Variants in NR5A2 observed in about 807,000 individuals in gnomAD.
NR5A2 encodes nuclear receptor subfamily 5 group A member 2, also known as CYP7A promoter-binding factor.
Under a neutral mutation model 62.7 loss-of-function variants are expected in NR5A2, and 26 were observed. The observed-to-expected ratio is 0.41, with a 90% CI of 0.30 to 0.58. The LOEUF (loss-of-function observed/expected upper bound fraction) is 0.58. NR5A2 is among the 20% of genes least tolerant of loss of function. NR5A2 has a pLI of 0.22. For missense variants in NR5A2, 541 were observed against 669.1 expected, an observed-to-expected ratio of 0.81 and a Z score of 2.11; for synonymous variants, 246 against 241.7, an observed-to-expected ratio of 1.02 and a Z score of -0.16.
intron 4 of NR5A2, among the ~76,000 whole-genome samples, chr1:200,046,753 T>C (rs1662384459): frequency 6.6e-6 from 1 of 152,244 alleles, no homozygotes; most frequent in Non-Finnish European, 1.5e-5. Flanking sequence ...AGATGCTTAC[T>C]ACATACAGTA....
chr1:200,121,645 A>G (rs1666486441), intron 7 of NR5A2, among the ~76,000 whole-genome samples: 1 of 152,222 alleles, frequency 6.6e-6, no homozygotes, highest in Non-Finnish European at 1.5e-5. Context: ...AAAGGAACAG[A>G]TTTTCCTGTC....
At chr1:200,032,221 C>T (rs1431197894) in intron 1 of NR5A2, among the ~76,000 whole-genome samples, 1 of 152,178 alleles carries the variant, frequency 6.6e-6, no homozygotes, top group Non-Finnish European at 1.5e-5. Flanking sequence ...CAGTTGGCTT[C>T]AAGGAACTTC....
intron 5 of NR5A2, among the ~76,000 whole-genome samples, chr1:200,073,334 A>G (rs1158865723): frequency 7.1e-6 from 1 of 141,154 alleles, no homozygotes; most frequent in Non-Finnish European, 1.5e-5. Flanking sequence ...ATATATATAT[A>G]TATATTCCCC....
chr1:200,064,707 G>A (rs1663391054), intron 5 of NR5A2, among the ~76,000 whole-genome samples: 1 of 152,190 alleles, frequency 6.6e-6, no homozygotes, highest in Admixed American at 6.5e-5. Flanking sequence ...CCTGGTATAG[G>A]ATTTTCCTTA....
At chr1:200,145,205 G>A (rs935622961) in intron 7 of NR5A2, among the ~76,000 whole-genome samples, 1 of 152,162 alleles carries the variant, frequency 6.6e-6, no homozygotes, top group Non-Finnish European at 1.5e-5. Context: ...AGCTACTCAG[G>A]AGGCTGAGGC....
chr1:200,168,911 G>A (rs1467689466), intron 7 of NR5A2, among the ~76,000 whole-genome samples: 1 of 152,158 alleles, frequency 6.6e-6, no homozygotes, highest in Non-Finnish European at 1.5e-5. Flanking sequence ...TTTTCTAGAG[G>A]AAAGGGCCTT....
chr1:200,103,380 A>C (rs1402884418), intron 5 of NR5A2, among the ~76,000 whole-genome samples: 5 of 152,110 alleles, frequency 3.3e-5, no homozygotes, highest in Admixed American at 2.0e-4. Context: ...TTGGCCTCCC[A>C]AAGTGCTGTA....
intron 5 of NR5A2, among the ~76,000 whole-genome samples, chr1:200,049,751 TG>T (rs1158914443): frequency 6.6e-6 from 1 of 152,178 alleles, no homozygotes; most frequent in Non-Finnish European, 1.5e-5. Context: ...TAAATATCTG[TG>T]ACTTGTGATT....
At chr1:200,133,965 T>C (rs1225639172) in intron 7 of NR5A2, among the ~76,000 whole-genome samples, 6 of 147,014 alleles carry the variant, frequency 4.1e-5, no homozygotes, top group Non-Finnish European at 9.0e-5. Flanking sequence ...GGCTAATGTG[T>C]GTGTTTGTGT....
intron 2 of NR5A2, 75 bp from the exon 3 acceptor site, chr1:200,043,699 A>G (rs934434605): frequency 3.3e-6 from 3 of 913,460 alleles, no homozygotes; most frequent in Non-Finnish European, 5.0e-6. Flanking sequence ...AATCACCAAA[A>G]TGCTTTTTGT....
At chr1:200,173,292 C>G (rs955243029) in intron 7 of NR5A2, among the ~76,000 whole-genome samples, 2 of 152,212 alleles carry the variant, frequency 1.3e-5, no homozygotes, top group Non-Finnish European at 2.9e-5. Context: ...TTAAAGGGCA[C>G]TGACCATCCT....
intron 7 of NR5A2, among the ~76,000 whole-genome samples, chr1:200,169,982 G>T (rs568480212): frequency 3.9e-5 from 6 of 152,276 alleles, no homozygotes; most frequent in Admixed American, 2.0e-4. Context: ...CCAGCTGGGG[G>T]TCTTTTGCTA....
At chr1:200,069,560 T>C (rs1663644754) in intron 5 of NR5A2, among the ~76,000 whole-genome samples, 1 of 152,178 alleles carries the variant, frequency 6.6e-6, no homozygotes, top group Non-Finnish European at 1.5e-5. Context: ...GGCCAAACAA[T>C]TCATATTCTA....
At chr1:200,053,876 GTGCCCTACCCTC>G (rs1662782405) in intron 5 of NR5A2, among the ~76,000 whole-genome samples, 1 of 152,298 alleles carries the variant, frequency 6.6e-6, no homozygotes, top group African/African-American at 2.4e-5. Context: ...GCATTCTCTA[GTGCCCTACCCTC>G]TGCGGATAGT....
intron 3 of NR5A2, 32 bp downstream of exon 3, chr1:200,043,924 A>G (rs536960216): frequency 7.3e-7 from 1 of 1,377,588 alleles, no homozygotes; most frequent in South Asian, 1.2e-5. Context: ...TGAAAAATAT[A>G]ATGTCCAACA....
At chr1:200,116,373 T>C (rs917788342) in intron 6 of NR5A2, among the ~76,000 whole-genome samples, 1 of 152,212 alleles carries the variant, frequency 6.6e-6, no homozygotes, top group Non-Finnish European at 1.5e-5. Flanking sequence ...CTAGCCTGGA[T>C]TTTAAAAAAT....
At chr1:200,033,612 G>A (rs1378553522) in intron 1 of NR5A2, among the ~76,000 whole-genome samples, 2 of 152,302 alleles carry the variant, frequency 1.3e-5, no homozygotes, top group East Asian at 3.9e-4. Flanking sequence ...GGAATCCACT[G>A]CTGGGTCCTG....
intron 1 of NR5A2, among the ~76,000 whole-genome samples, chr1:200,037,627 T>C (rs1661839919): frequency 1.3e-5 from 2 of 152,218 alleles, no homozygotes; most frequent in African/African-American, 4.8e-5. Context: ...TGAAATGTAG[T>C]GACAGTGATA....
intron 6 of NR5A2, among the ~76,000 whole-genome samples, chr1:200,120,354 A>G (rs1278808724): frequency 6.6e-6 from 1 of 152,206 alleles, no homozygotes; most frequent in African/African-American, 2.4e-5. Context: ...CACCTTATTC[A>G]TGAGAGTTAA....
Sources: allele counts gnomAD v4.1 joint callset (sites outside exome capture counted in the v4.1 genomes callset), GRCh38; gene constraint gnomAD v4.1.1; transcripts MANE v1.5; gene names NCBI Gene and HGNC (gene_info 2026-07-23, HGNC 2026-07-21).